IPO7: variants seen among roughly 807,000 people sequenced by gnomAD.
The protein encoded by IPO7 is importin-7.
In IPO7, 13 loss-of-function variants were observed where a neutral mutation model predicts 136.4. The observed-to-expected ratio is 0.10, with a 90% CI of 0.06 to 0.15. The LOEUF is 0.15. Ranked by LOEUF, IPO7 falls within the 10% of genes least tolerant of loss-of-function variation. The probability of loss-of-function intolerance (pLI) is 1.00; values close to 1 mark genes in which losing one functional copy is unlikely to be tolerated. For synonymous variants in IPO7, 403 were observed against 404.4 expected (o/e 1.00, Z 0.04); for missense variants, 857 against 1,240.6 (o/e 0.69, Z 4.65).
At chr11:9,428,888 T>C (rs1190106131) in intron 13 of IPO7, 143 bp from the exon 14 acceptor site, 1 of 822,376 alleles carries the variant, frequency 1.2e-6, no homozygotes, top group African/African-American at 1.7e-5. Context: ...CTTGGGATCA[T>C]AGTACTGGTC....
rs1302691090 is a variant in IPO7, at chr11:9,436,266, A to T, written c.2173-5A>T. On this transcript the variant is annotated splice_polypyrimidine_tract_variant and splice_region_variant and intron_variant, in intron 19 of 24. Coordinates refer to ENST00000379719, the MANE Select transcript of IPO7 (RefSeq NM_006391.3). Reference sequence around the variant, plus strand: ...TTACTGCAATTTATATTCTGTTTTGATCAGGTTCTTACAGGAGTTGCAGGA... The same window carrying T: ...TTACTGCAATTTATATTCTGTTTTGTTCAGGTTCTTACAGGAGTTGCAGGA... 1 of 1,604,482 alleles carries T rather than the reference A, an allele frequency of 6.2e-7. No individual in the cohort carries two copies. The highest frequency in any genetic ancestry group is 8.5e-7 in the Non-Finnish European group (1 of 1,171,602).
Position 9,445,747 on chromosome 11 carries a change from A to G in IPO7, c.*553A>G, listed in dbSNP as rs1208227760. The G allele has an allele frequency of 6.6e-6, 1 of 152,270 alleles. No individual in the cohort carries two copies. 9.4% of individuals were successfully genotyped at this position (152,270 alleles called of 1,614,324 possible). ...TCATTGTTCCTATGTAGATTATTGG[A>G]CATTTATTGTAGCACTACATAACTG... On this transcript the variant is annotated 3_prime_UTR_variant, in exon 25 of 25. Coordinates refer to ENST00000379719, the MANE Select transcript of IPO7 (RefSeq NM_006391.3).
chr11:9,435,262 C>T (rs1855353445), intron 19 of IPO7, among the ~76,000 whole-genome samples: 1 of 137,028 alleles, frequency 7.3e-6, no homozygotes, highest in African/African-American at 2.5e-5. Context: ...TTTTAGAGTG[C>T]CCGGAGTTTA....
intron 1 of IPO7, among the ~76,000 whole-genome samples, chr11:9,390,623 A>G (rs1238773418): frequency 2.6e-5 from 4 of 152,176 alleles, no homozygotes; most frequent in Admixed American, 6.6e-5. Flanking sequence ...CGGCTGTTAG[A>G]TAGCAAGTTA....
Position 9,384,703 on chromosome 11 carries a change from A to T in IPO7, c.-61A>T. 7.2e-7 allele frequency: 1 copy of T among 1,385,140 alleles called. No individual in the cohort carries two copies. Among genetic ancestry groups the T allele is most frequent in the Non-Finnish European group, 1.0e-6 (1 of 1,005,018 alleles). The allele number at this position is 1,385,140 out of a possible 1,614,324, so 85.8% of individuals were successfully genotyped here. On this transcript the variant is annotated 5_prime_UTR_variant, in exon 1 of 25. Coordinates refer to ENST00000379719, the MANE Select transcript of IPO7 (RefSeq NM_006391.3). The stretch of plus-strand genomic sequence containing the variant: ...GCGCGGCGGGTCCATGTGCGCAGTG[A>T]GTGGCGCTATTCCTGGCCCAGTAGC...
In IPO7 at chr11:9,447,890, A is replaced by G. The variant is rs1348823594; in HGVS notation, c.*2696A>G. ...ACTCAACTCTGGAAGAGACTAGAGT[A>G]TAGAGCATGAGTGGCAAAACCACAG... On this transcript the variant is annotated 3_prime_UTR_variant, in exon 25 of 25. Transcript: ENST00000379719. The G allele has an allele frequency of 2.0e-5, 3 of 152,230 alleles. No individual in the cohort carries two copies. The allele number at this position is 152,230 out of a possible 1,614,324, so 9.4% of individuals were successfully genotyped here. A position where few individuals can be genotyped will look rare whatever the true frequency, so the allele number is the denominator to read the frequency against.
chr11:9,438,044 AGTTTTTTTTTTTTT>A, intron 21 of IPO7, 22 bp from the exon 22 acceptor site: 2 of 1,035,552 alleles, frequency 1.9e-6, no homozygotes, highest in Non-Finnish European at 1.3e-6. Flanking sequence ...AAAAGAAAAC[AGTTTTTTTTTTTTT>A]TTTTTTTTTT....
chr11:9,423,571 A>G (rs1173385792), intron 9 of IPO7, among the ~76,000 whole-genome samples: 1 of 152,198 alleles, frequency 6.6e-6, no homozygotes, highest in African/African-American at 2.4e-5. Flanking sequence ...ACCTTTGTAC[A>G]CATATATCTT....
chr11:9,403,874 A>G (rs923612034), intron 2 of IPO7, among the ~76,000 whole-genome samples: 3 of 151,768 alleles, frequency 2.0e-5, no homozygotes, highest in Non-Finnish European at 2.9e-5. Context: ...AATTTTTTTT[A>G]TTTTTTGTAG....
chr11:9,390,280 T>C (rs1448165412), intron 1 of IPO7, among the ~76,000 whole-genome samples: 2 of 151,568 alleles, frequency 1.3e-5, no homozygotes, highest in Non-Finnish European at 2.9e-5. Flanking sequence ...TTCTTGATAT[T>C]TTGTGTGTGT....
At chr11:9,419,467 G>C (rs1413558393) in intron 6 of IPO7, among the ~76,000 whole-genome samples, 1 of 149,722 alleles carries the variant, frequency 6.7e-6, no homozygotes, top group Admixed American at 6.7e-5. Flanking sequence ...AGAATCACTT[G>C]AACCAGGGAG....
In IPO7 at chr11:9,420,422, A is replaced by C. The variant is rs932636448; in HGVS notation, c.738A>C (p.Gln246His). ...VNRDVPNETL[Q>H]VEEDDRPELP... is the part of the protein sequence containing the mutation. Reference sequence around the variant, plus strand: ...GTGTCTTTTTAAAGGAAACACTTCAAGTTGAAGAAGATGATCGACCTGAGT... The same window carrying C: ...GTGTCTTTTTAAAGGAAACACTTCACGTTGAAGAAGATGATCGACCTGAGT... Residue 246 changes from glutamine to histidine, a missense_variant, in exon 7 of 25, where the codon CAA (glutamine) becomes CAC (histidine). This residue lies in a region of IPO7 where 287 missense variants were observed against 307.5 expected (regional missense o/e 0.93). Transcript: ENST00000379719. The C allele has an allele frequency of 3.1e-6, 5 of 1,606,724 alleles. No individual in the cohort carries two copies. In the Admixed American group the frequency reaches 5.0e-5, roughly 16 times the overall value.
At position 9,433,633 on chromosome 11, in the gene IPO7, T is replaced by G; in HGVS notation, c.1945T>G (p.Leu649Val). Residue 649 changes from leucine to valine, a missense_variant, in exon 17 of 25, where the codon TTA (leucine) becomes GTA (valine). By Grantham distance (32) the Leu-to-Val change is conservative (BLOSUM62 1). This residue lies in a region of IPO7 where 190 missense variants were observed against 249.0 expected (regional missense o/e 0.76). Transcript: ENST00000379719. Reference protein sequence around the residue: ...VIGTVLQQHVLEFYEEIFSLA... With the variant: ...VIGTVLQQHVVEFYEEIFSLA... ...TGGTACTGTTTTACAACAGCATGTCTTAGGTATTATACCTCTGATTGTGCT... is the reference window on the plus strand; with the variant it reads ...TGGTACTGTTTTACAACAGCATGTCGTAGGTATTATACCTCTGATTGTGCT... The G allele has an allele frequency of 6.2e-7, 1 of 1,612,858 alleles. No homozygotes were observed.
chr11:9,435,627 CT>C (rs1194618200), intron 19 of IPO7, among the ~76,000 whole-genome samples: 4 of 152,138 alleles, frequency 2.6e-5, no homozygotes, highest in Non-Finnish European at 5.9e-5. Context: ...TCATTTTTTA[CT>C]GCCAATTATA....
In IPO7 at chr11:9,446,671, G is replaced by T. The variant is rs896555270; in HGVS notation, c.*1477G>T. On this transcript the variant is annotated 3_prime_UTR_variant, in exon 25 of 25. Transcript: ENST00000379719. ...GGATTCAAAACTATTACAAGCTGTT[G>T]TCTAAAACAGGTGAGAAAAAAATTT... 1 of 152,138 alleles carries T rather than the reference G, an allele frequency of 6.6e-6. No individual in the cohort carries two copies. The highest frequency in any genetic ancestry group is 6.6e-5 in the Admixed American group (1 of 15,246). 9.4% of individuals were successfully genotyped at this position (152,138 alleles called of 1,614,324 possible). A position where few individuals can be genotyped will look rare whatever the true frequency, so the allele number is the denominator to read the frequency against.
intron 1 of IPO7, among the ~76,000 whole-genome samples, chr11:9,395,508 G>A (rs1854695594): frequency 6.6e-6 from 1 of 152,004 alleles, no homozygotes; most frequent in Admixed American, 6.6e-5. Flanking sequence ...CAAAGTGCAG[G>A]GATTACAGGT....
rs760240212 is a variant in IPO7 at position 9,403,274 on chromosome 11, C to CT, written c.85-9dup. 1.9e-6 allele frequency: 3 copies of CT among 1,584,476 alleles called. No homozygotes were observed. The highest frequency in any genetic ancestry group is 1.1e-5 in the South Asian group (1 of 89,974). ...TTTATTTGCAGAAGTTTAAAATGGA[C>CT]TTTTTTTCTTTGTAGGCACACAAGT... On this transcript the variant is annotated splice_polypyrimidine_tract_variant and intron_variant, in intron 1 of 24. Transcript: ENST00000379719.
Position 9,420,400 on chromosome 11 carries a change from T to A in IPO7, c.727-11T>A. ...TATTATCTCTATCATTAAATAAGTG[T>A]CTTTTTAAAGGAAACACTTCAAGTT... On this transcript the variant is annotated splice_polypyrimidine_tract_variant and intron_variant, in intron 6 of 24. Coordinates refer to ENST00000379719, the MANE Select transcript of IPO7 (RefSeq NM_006391.3). The A allele has an allele frequency of 6.4e-7, 1 of 1,555,902 alleles. No individual in the cohort carries two copies. The highest frequency in any genetic ancestry group is 8.9e-7 in the Non-Finnish European group (1 of 1,129,386).
chr11:9,423,076 T>C lies in IPO7; in HGVS notation c.977T>C (p.Leu326Ser). 1 of 1,592,124 alleles carries C rather than the reference T, an allele frequency of 6.3e-7. No individual in the cohort carries two copies. Residue 326 changes from leucine (L) to serine (S), a missense_variant, in exon 9 of 25, where the codon TTA (leucine) becomes TCA (serine). Around this residue, in one of 11 missense-constraint regions of IPO7, gnomAD observed 127 missense variants for 222.4 expected, o/e 0.57. Coordinates refer to ENST00000379719, the MANE Select transcript of IPO7 (RefSeq NM_006391.3). ...YMAPRVLQQTLNYINQGVSHA... is the reference protein window; with the variant it reads ...YMAPRVLQQTSNYINQGVSHA... ...GCTCCTCGAGTTTTACAACAGACAT[T>C]AAATTATATTAATCAAGGAGTTTCT...
Sources: allele counts gnomAD v4.1 joint callset (sites outside exome capture counted in the v4.1 genomes callset), GRCh38; gene constraint gnomAD v4.1.1; regional missense constraint gnomAD v4.1.1; transcripts MANE v1.5; gene names NCBI Gene and HGNC (gene_info 2026-07-23, HGNC 2026-07-21).